Variants in RCN2 observed in about 807,000 individuals in gnomAD.
RCN2 encodes the protein reticulocalbin-2.
In RCN2, 23 loss-of-function variants were observed where a neutral mutation model predicts 37.5. That is an observed-to-expected ratio of 0.61 (90% CI 0.44 to 0.87). RCN2 has a LOEUF of 0.87. Among genes scored for constraint, RCN2 ranks in the 40% least tolerant of loss-of-function variants. RCN2 has a pLI of 0.00. For missense variants in RCN2, 381 were observed against 390.4 expected (o/e 0.98, Z 0.20); for synonymous variants, 140 against 144.6 (o/e 0.97, Z 0.23).
chr15:76,931,917 G>A lies in RCN2; in HGVS notation c.76G>A (p.Glu26Lys). Residue 26 changes from glutamate to lysine, a missense_variant, in exon 1 of 7, where the codon GAG (glutamate) becomes AAG (lysine). By Grantham distance (56) the Glu-to-Lys change is moderately conservative. Transcript: ENST00000394885. ...CAAAAGAGKA[E>K]ELHYPLGERR... ...CGCCGCGGCCGGCGCCGGCAAGGCCGAGGAGCTGCACTACCCGCTGGGCGA... is the reference window on the plus strand; with the variant it reads ...CGCCGCGGCCGGCGCCGGCAAGGCCAAGGAGCTGCACTACCCGCTGGGCGA... 6 of 1,329,356 alleles carry A rather than the reference G, an allele frequency of 4.5e-6. No homozygotes were observed. Among genetic ancestry groups the A allele is most frequent in the East Asian group, 3.3e-5 (1 of 30,254 alleles). The allele number at this position is 1,329,356 out of a possible 1,614,324, so 82.3% of individuals were successfully genotyped here.
intron 3 of RCN2, among the ~76,000 whole-genome samples, chr15:76,939,262 A>AT (rs1222032921): frequency 6.0e-5 from 9 of 151,184 alleles, no homozygotes; most frequent in Admixed American, 1.3e-4. Flanking sequence ...AAATAAATAA[A>AT]TAAATAAATA....
chr15:76,940,826 T>A (rs1020351054), intron 3 of RCN2, among the ~76,000 whole-genome samples: 13 of 151,988 alleles, frequency 8.6e-5, no homozygotes, highest in Non-Finnish European at 1.8e-4. Flanking sequence ...CCTCCCAAAG[T>A]GCTGAGATTA....
chr15:76,948,862 G>A, intron 6 of RCN2: 1 of 576,992 alleles, frequency 1.7e-6, no homozygotes. Flanking sequence ...TTTGAGTGGA[G>A]AGAGACAGAA....
At chr15:76,946,662 G>A (rs147814209) in intron 4 of RCN2, among the ~76,000 whole-genome samples, 2 of 152,140 alleles carry the variant, frequency 1.3e-5, no homozygotes, top group Non-Finnish European at 2.9e-5. Flanking sequence ...TGAGGCAGGA[G>A]ATTTGCTTGA....
chr15:76,938,051 C>T (rs2075260388), intron 3 of RCN2, among the ~76,000 whole-genome samples: 1 of 152,070 alleles, frequency 6.6e-6, no homozygotes, highest in Non-Finnish European at 1.5e-5. Context: ...ATGATCAAAT[C>T]AGGGTAATTA....
chr15:76,936,156 A>G (rs2075246597), intron 3 of RCN2, among the ~76,000 whole-genome samples: 1 of 152,054 alleles, frequency 6.6e-6, no homozygotes, highest in Admixed American at 6.5e-5. Context: ...GAGAATCGTA[A>G]GTATCCAAAA....
intron 3 of RCN2, 188 bp from the exon 4 acceptor site, chr15:76,943,570 A>G (rs959279593): frequency 1.4e-5 from 6 of 434,044 alleles, no homozygotes; most frequent in Middle Eastern, 1.2e-3. Context: ...GTCTGGGTCT[A>G]TATGACTCTA....
At chr15:76,943,243 C>G (rs2075282674) in intron 3 of RCN2, 1 of 152,648 alleles carries the variant, frequency 6.6e-6, no homozygotes, top group Non-Finnish European at 1.5e-5. Flanking sequence ...CAGGGTCTTG[C>G]TATGGTGTGA....
chr15:76,940,053 C>A lies in RCN2; in HGVS notation c.448-3705C>A, dbSNP rs77105238. 5.8e-3 allele frequency among the ~76,000 whole-genome samples: 884 copies of A among 151,894 alleles called. 7 individuals carry two copies. The highest frequency in any genetic ancestry group is 0.019 in the African/African-American group (806 of 41,462). ...GGATGAATTAGATGAATCTTAACAG[C>A]CTAAAGGAATAGATTGATCCCGAAA... On this transcript the variant is annotated intron_variant, in intron 3 of 6. Transcript: ENST00000394885.
intron 3 of RCN2, among the ~76,000 whole-genome samples, chr15:76,936,344 G>A (rs1483202803): frequency 6.6e-6 from 1 of 151,988 alleles, no homozygotes; most frequent in Non-Finnish European, 1.5e-5. Context: ...TTGGCACCAG[G>A]GACCAGTTTC....
At chr15:76,948,994 G>A (rs1376184384) in intron 6 of RCN2, 76 bp from the exon 7 acceptor site, 2 of 1,340,684 alleles carry the variant, frequency 1.5e-6, no homozygotes, top group Non-Finnish European at 2.0e-6. Flanking sequence ...ATTTTGACAA[G>A]TCAAATCACA....
rs1328088022 is a variant in RCN2, at chr15:76,953,582, TATATATATATA to T, written c.*4361_*4371del. The T allele has an allele frequency of 5.5e-4, 12 of 21,808 alleles. No individual in the cohort carries two copies. Among genetic ancestry groups the T allele is most frequent in the African/African-American group, 1.6e-3 (9 of 5,460 alleles). 1.4% of individuals were successfully genotyped at this position (21,808 alleles called of 1,614,324 possible). A position where few individuals can be genotyped will look rare whatever the true frequency, so the allele number is the denominator to read the frequency against. The stretch of plus-strand genomic sequence containing the variant: ...ATATATATATATATATATATATATA[TATATATATATA>T]TTTTTTTTTTTTTTTTTTTTTTTTT... On this transcript the variant is annotated 3_prime_UTR_variant, in exon 7 of 7. Coordinates refer to ENST00000394885, the MANE Select transcript of RCN2 (RefSeq NM_002902.3).
chr15:76,949,353 G>A lies in RCN2; in HGVS notation c.*131G>A. The A allele has an allele frequency of 1.5e-6, 1 of 648,298 alleles. No individual in the cohort carries two copies. Among genetic ancestry groups the A allele is most frequent in the Non-Finnish European group, 2.3e-6 (1 of 437,482 alleles). The allele number at this position is 648,298 out of a possible 1,614,324, so 40.2% of individuals were successfully genotyped here. On this transcript the variant is annotated 3_prime_UTR_variant, in exon 7 of 7. Coordinates refer to ENST00000394885, the MANE Select transcript of RCN2 (RefSeq NM_002902.3). Reference sequence around the variant, plus strand: ...CCACAGTCAGAATTATCTTAATGTAGATTATAATTTTGGTCTTTTAGGAAA... The same window carrying A: ...CCACAGTCAGAATTATCTTAATGTAAATTATAATTTTGGTCTTTTAGGAAA...
chr15:76,933,189 T>A (rs1342876856), intron 2 of RCN2, among the ~76,000 whole-genome samples: 2 of 152,240 alleles, frequency 1.3e-5, no homozygotes, highest in Non-Finnish European at 2.9e-5. Context: ...TCCCCATTGT[T>A]CAATTCAAAT....
intron 4 of RCN2, among the ~76,000 whole-genome samples, chr15:76,945,218 A>G (rs962992784): frequency 6.6e-6 from 1 of 151,988 alleles, no homozygotes; most frequent in Non-Finnish European, 1.5e-5. Flanking sequence ...TCCTCAGGCT[A>G]TTTTCTCTCA....
rs144470086 is a variant in RCN2 at position 76,948,480 on chromosome 15, C to A, written c.729C>A (p.Asn243Lys). ...DRFVNDYDKD[N>K]DGRLDPQELL... Reference sequence around the variant, plus strand: ...TCGTGAATGATTATGACAAAGATAACGATGGCAGGCTTGATCCCCAAGAGC... The same window carrying A: ...TCGTGAATGATTATGACAAAGATAAAGATGGCAGGCTTGATCCCCAAGAGC... The change falls in exon 6 of 7, where the codon AAC becomes AAA. Residue 243 changes from asparagine (N) to lysine (K), a missense_variant. Transcript: ENST00000394885. 6.2e-7 allele frequency: 1 copy of A among 1,609,320 alleles called. No homozygotes were observed. Among genetic ancestry groups the A allele is most frequent in the Non-Finnish European group, 8.5e-7 (1 of 1,177,200 alleles).
intron 3 of RCN2, among the ~76,000 whole-genome samples, chr15:76,940,921 C>T (rs1047334561): frequency 6.6e-6 from 1 of 152,056 alleles, no homozygotes. Context: ...CCCTTTCAGG[C>T]TGTGAAATGC....
Position 76,931,750 on chromosome 15 carries a change from T to A in RCN2, c.-92T>A. The stretch of plus-strand genomic sequence containing the variant: ...CGCCCTCAACGTACGTCGCACCGCC[T>A]CTCTGTAGCCGCCCGCGGAGCATCG... On this transcript the variant is annotated 5_prime_UTR_variant, in exon 1 of 7. Transcript: ENST00000394885. The A allele has an allele frequency of 2.9e-6, 3 of 1,027,400 alleles. No homozygotes were observed. Among genetic ancestry groups the A allele is most frequent in the Non-Finnish European group, 3.7e-6 (3 of 816,864 alleles). The allele number at this position is 1,027,400 out of a possible 1,614,324, so 63.6% of individuals were successfully genotyped here.
In RCN2 at chr15:76,951,275, A is replaced by G. The variant is rs1038132812; in HGVS notation, c.*2053A>G. On this transcript the variant is annotated 3_prime_UTR_variant, in exon 7 of 7. Coordinates refer to ENST00000394885, the MANE Select transcript of RCN2 (RefSeq NM_002902.3). ...GATGGCTAGTTCTGACCAGTTAAAC[A>G]TGGGTGGAAGTAGTGTGTGTCACTA... 5 of 152,260 alleles carry G rather than the reference A, an allele frequency of 3.3e-5. No individual in the cohort carries two copies. The highest frequency in any genetic ancestry group is 1.2e-4 in the African/African-American group (5 of 41,470). 9.4% of individuals were successfully genotyped at this position (152,260 alleles called of 1,614,324 possible).
Sources: gnomAD v4.1 joint callset for allele counts (sites outside exome capture counted in the v4.1 genomes callset) on GRCh38, gnomAD v4.1.1 for gene constraint, MANE v1.5 for transcripts, NCBI Gene and HGNC (gene_info 2026-07-23, HGNC 2026-07-21) for gene names.